The following GLG1 variants were observed in gnomAD, a reference collection of about 807,000 sequenced individuals.
GLG1 encodes Golgi apparatus protein 1.
In GLG1, 38 loss-of-function variants were observed where a neutral mutation model predicts 160.5. The observed-to-expected ratio is 0.24, with a 90% CI of 0.18 to 0.31. The LOEUF is 0.31. Among genes scored for constraint, GLG1 ranks in the 10% least tolerant of loss-of-function variants. GLG1 has a pLI of 1.00. For synonymous variants in GLG1, 644 were observed against 543.4 expected (o/e 1.19, Z -2.57); for missense variants, 1,373 against 1,505.2 (o/e 0.91, Z 1.45).
chr16:74,592,246 G>A (rs371469593), intron 1 of GLG1, among the ~76,000 whole-genome samples: 2 of 152,176 alleles, frequency 1.3e-5, no homozygotes, highest in African/African-American at 2.4e-5. Context: ...GGGTTCAAGC[G>A]ATTCTCCTGC....
chr16:74,597,303 C>T (rs1372237940), intron 1 of GLG1, among the ~76,000 whole-genome samples: 3 of 149,278 alleles, frequency 2.0e-5, no homozygotes, highest in African/African-American at 7.4e-5. Context: ...TGGTGGGGTG[C>T]GCCTATAGTC....
intron 13 of GLG1, among the ~76,000 whole-genome samples, chr16:74,473,662 G>C (rs1048437180): frequency 1.3e-5 from 2 of 151,890 alleles, no homozygotes; most frequent in African/African-American, 4.8e-5. Flanking sequence ...GGATGGTCTC[G>C]ATCTCCTGAC....
rs761903902 is a variant in GLG1, at chr16:74,480,649, C to T, written c.1674-255G>A. On this transcript the variant is annotated intron_variant, in intron 10 of 25. Coordinates refer to ENST00000422840, the MANE Select transcript of GLG1 (RefSeq NM_001145667.2). Reference sequence around the variant, plus strand: ...TTGACTCACTGGAACCTCCGTCCCCCGGGGCTTGAAGGCAATCCTCCCACC... The same window carrying T: ...TTGACTCACTGGAACCTCCGTCCCCTGGGGCTTGAAGGCAATCCTCCCACC... Among the ~76,000 whole-genome samples the T allele has an allele frequency of 4.6e-5, 7 of 151,912 alleles. 1 individual carries two copies. In the Middle Eastern group the frequency reaches 0.01, roughly 221 times the overall value.
At chr16:74,455,478 G>T (rs1567452297) in intron 25 of GLG1, among the ~76,000 whole-genome samples, 1 of 152,202 alleles carries the variant, frequency 6.6e-6, no homozygotes, top group Non-Finnish European at 1.5e-5. Context: ...ATCTCCTGCT[G>T]CCGCTTCCCT....
At chr16:74,581,062 C>G (rs1343653321) in intron 1 of GLG1, among the ~76,000 whole-genome samples, 1 of 152,192 alleles carries the variant, frequency 6.6e-6, no homozygotes, top group Non-Finnish European at 1.5e-5. Flanking sequence ...TATGATGCAG[C>G]TGCTGTGAAA....
chr16:74,558,015 T>C (rs2018399860), intron 1 of GLG1, among the ~76,000 whole-genome samples: 1 of 152,156 alleles, frequency 6.6e-6, no homozygotes, highest in Non-Finnish European at 1.5e-5. Flanking sequence ...GACACACACA[T>C]AAGGAAAGCA....
chr16:74,461,785 C>T lies in GLG1; in HGVS notation c.3036+309G>A, dbSNP rs144636501. 243 of 214,926 alleles carry T rather than the reference C, an allele frequency of 1.1e-3. 1 individual carries two copies. Among genetic ancestry groups the T allele is most frequent in the African/African-American group, 5.5e-3 (237 of 43,402 alleles). The allele number at this position is 214,926 out of a possible 1,614,324, so 13.3% of individuals were successfully genotyped here. A position where few individuals can be genotyped will look rare whatever the true frequency, so the allele number is the denominator to read the frequency against. ...CGTGCCCAGCTGAAAGCACTTTTAT[C>T]TTTCTGGCAGGTCTTGGGTTTACCA... On this transcript the variant is annotated intron_variant, in intron 22 of 25. Coordinates refer to ENST00000422840, the MANE Select transcript of GLG1 (RefSeq NM_001145667.2).
At chr16:74,456,341 T>C (rs555691115) in intron 25 of GLG1, among the ~76,000 whole-genome samples, 144 of 152,346 alleles carry the variant, frequency 9.5e-4, no homozygotes, top group Non-Finnish European at 1.6e-3. Context: ...TACTGTTTTT[T>C]AGTAGAGACG....
At position 74,467,766 on chromosome 16, in the gene GLG1, C is replaced by T; in HGVS notation, c.2519G>A (p.Gly840Asp). 6.2e-7 allele frequency: 1 copy of T among 1,604,840 alleles called. No homozygotes were observed. The highest frequency in any genetic ancestry group is 8.5e-7 in the Non-Finnish European group (1 of 1,172,080). ...AAAGCAAAAAGTTACCTGAGCGTTG[C>T]CATATTGCACAGCGGAACAGAAGTT... ...IKNFCSAVQY[G>D]NAQIIECLKE... The change falls in exon 18 of 26, where the codon GGC (glycine) becomes GAC (aspartate). Residue 840 changes from glycine (G) to aspartate (D), a missense_variant. Gly to Asp is a moderately conservative substitution (Grantham distance 94). Around this residue, in one of 4 missense-constraint regions of GLG1, gnomAD observed 491 missense variants for 632.1 expected, o/e 0.78. Transcript: ENST00000422840.
intron 1 of GLG1, among the ~76,000 whole-genome samples, chr16:74,570,091 G>T (rs1225380570): frequency 6.7e-6 from 1 of 149,578 alleles, no homozygotes. Context: ...TTATTGAAAA[G>T]ACAAATGGTT....
intron 1 of GLG1, among the ~76,000 whole-genome samples, chr16:74,583,990 C>T (rs1447344689): frequency 6.6e-6 from 1 of 152,136 alleles, no homozygotes; most frequent in Non-Finnish European, 1.5e-5. Context: ...CCCCATCAAT[C>T]CCACTTCTAT....
In GLG1 at chr16:74,465,804, A is replaced by G. The variant is rs2014979104; in HGVS notation, c.2539T>C (p.Cys847Arg). 1 of 1,613,674 alleles carries G rather than the reference A, an allele frequency of 6.2e-7. No individual in the cohort carries two copies. Among genetic ancestry groups the G allele is most frequent in the Non-Finnish European group, 8.5e-7 (1 of 1,179,750 alleles). Residue 847 changes from cysteine to arginine, a missense_variant, in exon 19 of 26, where the codon TGT becomes CGT. Cys to Arg is a radical substitution (Grantham distance 180). This residue lies in a region of GLG1 where 491 missense variants were observed against 632.1 expected (regional missense o/e 0.78). Transcript: ENST00000422840. ...AGCTGCTTCTTGTTTTCTTTCAGAC[A>G]TTCGATAATCTATGGCAAAAGAGTT... ...VQYGNAQIIE[C>R]LKENKKQLST...
chr16:74,570,887 G>A (rs534186729), intron 1 of GLG1, among the ~76,000 whole-genome samples: 5 of 152,024 alleles, frequency 3.3e-5, no homozygotes, highest in East Asian at 1.9e-4. Context: ...GACCCTGTCC[G>A]CCTACCACCC....
intron 3 of GLG1, among the ~76,000 whole-genome samples, chr16:74,504,753 G>A (rs1291942628): frequency 6.6e-6 from 1 of 152,146 alleles, no homozygotes; most frequent in African/African-American, 2.4e-5. Flanking sequence ...TTTGGGAAGG[G>A]GAACCTAGTT....
At chr16:74,567,135 A>C (rs1173333583) in intron 1 of GLG1, among the ~76,000 whole-genome samples, 1 of 151,972 alleles carries the variant, frequency 6.6e-6, no homozygotes, top group Non-Finnish European at 1.5e-5. Context: ...AAAATCTTGA[A>C]TAAAATTACA....
chr16:74,477,520 C>T lies in GLG1; in HGVS notation c.1841G>A (p.Cys614Tyr). 6.2e-7 allele frequency: 1 copy of T among 1,613,140 alleles called. No individual in the cohort carries two copies. Among genetic ancestry groups the T allele is most frequent in the East Asian group, 2.2e-5 (1 of 44,870 alleles). ...EEQGRRLSRE[C>Y]RAEVQRILHQ... ...TAGGATCCTTTGGACTTCAGCTCGG[C>T]ACTCCCGTGAGAGCTGCATGAGAAA... The change falls in exon 12 of 26, where the codon TGC becomes TAC. Residue 614 changes from cysteine to tyrosine, a missense_variant. Physicochemically the swap from Cys to Tyr is radical, Grantham distance 194. This residue lies in a region of GLG1 where 386 missense variants were observed against 388.5 expected (regional missense o/e 0.99). Transcript: ENST00000422840.
chr16:74,586,632 G>A (rs555282970), intron 1 of GLG1, among the ~76,000 whole-genome samples: 3 of 151,910 alleles, frequency 2.0e-5, no homozygotes, highest in East Asian at 1.9e-4. Context: ...CTGCCACCAC[G>A]CCTGGCTAAT....
chr16:74,547,244 C>T (rs2018073914), intron 1 of GLG1, among the ~76,000 whole-genome samples: 1 of 151,012 alleles, frequency 6.6e-6, no homozygotes, highest in African/African-American at 2.4e-5. Context: ...CCTTACTTTA[C>T]CAATAACTTA....
chr16:74,504,400 G>A (rs8060377), intron 3 of GLG1, among the ~76,000 whole-genome samples: 143,542 of 152,190 alleles, frequency 0.94, 67,912 homozygotes, highest in East Asian at 1. Context: ...TGATTCTCCT[G>A]CCTCAGCTTC....
Sources: allele counts gnomAD v4.1 joint callset (sites outside exome capture counted in the v4.1 genomes callset), GRCh38; gene constraint gnomAD v4.1.1; regional missense constraint gnomAD v4.1.1; transcripts MANE v1.5; gene names NCBI Gene and HGNC (gene_info 2026-07-23, HGNC 2026-07-21).